The following MLH3 variants were observed in gnomAD, a reference collection of about 807,000 sequenced individuals.
MLH3 encodes the protein DNA mismatch repair protein Mlh3.
MLH3 carries 82 observed loss-of-function variants against 122.2 expected under a neutral mutation model. The observed-to-expected ratio is 0.67, with a 90% confidence interval of 0.56 to 0.81. MLH3 has a LOEUF of 0.81. Ranked by LOEUF, MLH3 falls within the 30% of genes least tolerant of loss-of-function variation. MLH3 has a pLI of 0.00. For synonymous variants in MLH3, 524 were observed against 599.5 expected (o/e 0.87, Z 1.84); for missense variants, 1,539 against 1,714.5 (o/e 0.90, Z 1.81).
rs145063005 is a variant in MLH3, at chr14:75,039,846, C to CATATATATATATATAT, written c.3570+49_3570+64dup. 677 of 321,690 alleles carry CATATATATATATATAT rather than the reference C, an allele frequency of 2.1e-3. 21 individuals carry two copies. The highest frequency in any genetic ancestry group is 3.6e-3 in the Admixed American group (49 of 13,594). The allele number at this position is 321,690 out of a possible 1,614,324, so 19.9% of individuals were successfully genotyped here. ...AAATCAAATTTTAGAAGAGTTAGGC[C>CATATATATATATATAT]ATATATATATATATATATATATATA... On this transcript the variant is annotated intron_variant, in intron 5 of 12. Transcript: ENST00000355774.
chr14:75,032,738 T>C (rs1477114201), intron 7 of MLH3, among the ~76,000 whole-genome samples: 1 of 151,302 alleles, frequency 6.6e-6, no homozygotes, highest in African/African-American at 2.4e-5. Context: ...CTTGCCTAAC[T>C]CTTTGACATT....
At chr14:75,043,105 T>A (rs1466601067) in intron 2 of MLH3, among the ~76,000 whole-genome samples, 1 of 152,092 alleles carries the variant, frequency 6.6e-6, no homozygotes. Context: ...ACAACTTGAG[T>A]AAAGGGTTCT....
At position 75,016,779 on chromosome 14, in the gene MLH3, C is replaced by A; in HGVS notation, c.*303G>T. 1.3e-5 allele frequency: 4 copies of A among 298,128 alleles called. No individual in the cohort carries two copies. Among genetic ancestry groups the A allele is most frequent in the African/African-American group, 2.2e-5 (1 of 45,984 alleles). The allele number at this position is 298,128 out of a possible 1,614,324, so 18.5% of individuals were successfully genotyped here. On this transcript the variant is annotated 3_prime_UTR_variant, in exon 13 of 13. Coordinates refer to ENST00000355774, the MANE Select transcript of MLH3 (RefSeq NM_001040108.2). The stretch of plus-strand genomic sequence containing the variant: ...ACCCTTCAAATAACAAACCAAGCAA[C>A]CAATCAAACTGTCATTAAATTTTAT...
chr14:75,050,433 T>G (rs2139621242), intron 1 of MLH3, among the ~76,000 whole-genome samples: 1 of 152,310 alleles, frequency 6.6e-6, no homozygotes, highest in South Asian at 2.1e-4. Context: ...ACAGTCTCAC[T>G]CTGTCACCCA....
rs1022178285 is a variant in MLH3 at position 75,014,231 on chromosome 14, G to A, written c.*2851C>T. 4 of 170,902 alleles carry A rather than the reference G, an allele frequency of 2.3e-5. No homozygotes were observed. The highest frequency in any genetic ancestry group is 9.5e-5 in the African/African-American group (4 of 41,956). The allele number at this position is 170,902 out of a possible 1,614,324, so 10.6% of individuals were successfully genotyped here. On this transcript the variant is annotated 3_prime_UTR_variant, in exon 13 of 13. Coordinates refer to ENST00000355774, the MANE Select transcript of MLH3 (RefSeq NM_001040108.2). The stretch of plus-strand genomic sequence containing the variant: ...CTGCTCTGACCATTTTGCTTGCCTG[G>A]GTTTTTTCACTGTCTGCCATGCGCA...
At chr14:75,041,796 A>T in intron 3 of MLH3, 96 bp from the exon 4 acceptor site, 1 of 815,020 alleles carries the variant, frequency 1.2e-6, no homozygotes, top group Non-Finnish European at 2.2e-6. Flanking sequence ...CTCAAGACCA[A>T]AGGTCACGTA....
chr14:75,046,448 G>C lies in MLH3; in HGVS notation c.3208C>G (p.Pro1070Ala). Residue 1070 changes from proline (P) to alanine (A), a missense_variant, in exon 2 of 13, where the codon CCA becomes GCA. By Grantham distance (27) the Pro-to-Ala change is conservative. Transcript: ENST00000355774. ...CAAGCAGCCTGAATGTCCTCAGTTGGGGCAATGAATGTGCTGAGTCCAGTC... is the reference window on the plus strand; with the variant it reads ...CAAGCAGCCTGAATGTCCTCAGTTGCGGCAATGAATGTGCTGAGTCCAGTC... Reference protein sequence around the residue: ...KMTGLSTFIAPTEDIQAACTK... With the variant: ...KMTGLSTFIAATEDIQAACTK... 1 of 1,614,106 alleles carries C rather than the reference G, an allele frequency of 6.2e-7. No homozygotes were observed. Among genetic ancestry groups the C allele is most frequent in the Non-Finnish European group, 8.5e-7 (1 of 1,180,004 alleles).
intron 8 of MLH3, among the ~76,000 whole-genome samples, chr14:75,031,185 C>T (rs1199619509): frequency 6.6e-6 from 1 of 152,136 alleles, no homozygotes; most frequent in Non-Finnish European, 1.5e-5. Context: ...TATTCCCAAA[C>T]CTGAAACATA....
Position 75,047,675 on chromosome 14 carries a change from T to G in MLH3, c.1981A>C (p.Thr661Pro). 1 of 1,614,070 alleles carries G rather than the reference T, an allele frequency of 6.2e-7. No individual in the cohort carries two copies. Among genetic ancestry groups the G allele is most frequent in the Non-Finnish European group, 8.5e-7 (1 of 1,179,970 alleles). ...ETPDIKDLAS[T>P]LSKESGQLPN... Reference sequence around the variant, plus strand: ...AATTGACCAGATTCTTTACTTAAAGTGCTGGCTAAATCTTTGATGTCTGGA... The same window carrying G: ...AATTGACCAGATTCTTTACTTAAAGGGCTGGCTAAATCTTTGATGTCTGGA... The change falls in exon 2 of 13, where the codon ACT becomes CCT. Residue 661 changes from threonine (T) to proline (P), a missense_variant. Coordinates refer to ENST00000355774, the MANE Select transcript of MLH3 (RefSeq NM_001040108.2).
chr14:75,030,415 C>T, intron 9 of MLH3, 128 bp downstream of exon 9: 1 of 950,486 alleles, frequency 1.1e-6, no homozygotes, highest in South Asian at 1.3e-5. Flanking sequence ...GAATTTCTAG[C>T]TCCTGGCACA....
At chr14:75,022,767 G>T in intron 11 of MLH3, 47 bp downstream of exon 11, 1 of 1,533,172 alleles carries the variant, frequency 6.5e-7, no homozygotes, top group Non-Finnish European at 9.0e-7. Flanking sequence ...CCCTGCCAGG[G>T]CTCTGCATGC....
chr14:75,031,790 G>C (rs545259844), intron 8 of MLH3, among the ~76,000 whole-genome samples: 5 of 152,296 alleles, frequency 3.3e-5, no homozygotes, highest in African/African-American at 1.2e-4. Context: ...CTCCAGCCTG[G>C]ACAACAGAGT....
At position 75,046,648 on chromosome 14, in the gene MLH3, C is replaced by T. The variant is rs1448250389; in HGVS notation, c.3008G>A (p.Gly1003Glu). 3.7e-6 allele frequency: 6 copies of T among 1,614,198 alleles called. No individual in the cohort carries two copies. The highest frequency in any genetic ancestry group is 5.1e-6 in the Non-Finnish European group (6 of 1,180,028). The part of the protein sequence containing the change: ...QQIGSLDSPS[G>E]MLMNPVEDAT... ...ATCTTCTACCGGATTCATTAACATT[C>T]CACTGGGAGAGTCAAGACTTCCTAT... Residue 1003 changes from glycine (G) to glutamate (E), a missense_variant, in exon 2 of 13, where the codon GGA becomes GAA. By Grantham distance (98) the Gly-to-Glu change is moderately conservative. Coordinates refer to ENST00000355774, the MANE Select transcript of MLH3 (RefSeq NM_001040108.2).
Position 75,014,377 on chromosome 14 carries a change from C to T in MLH3, c.*2705G>A, listed in dbSNP as rs985005668. On this transcript the variant is annotated 3_prime_UTR_variant, in exon 13 of 13. Transcript: ENST00000355774. ...GTTACCCAAGCCCCCTCCCCATTCT[C>T]CAGCTTCATTCTAGCCTACACTTTA... 3.9e-5 allele frequency: 7 copies of T among 177,432 alleles called. No individual in the cohort carries two copies. Among genetic ancestry groups the T allele is most frequent in the Non-Finnish European group, 8.5e-5 (7 of 82,610 alleles). 11.0% of individuals were successfully genotyped at this position (177,432 alleles called of 1,614,324 possible). A position where few individuals can be genotyped will look rare whatever the true frequency, so the allele number is the denominator to read the frequency against.
chr14:75,031,066 A>G (rs889132014), intron 8 of MLH3, among the ~76,000 whole-genome samples: 2 of 152,234 alleles, frequency 1.3e-5, no homozygotes, highest in African/African-American at 4.8e-5. Context: ...CAGGGAGGTA[A>G]TTAACAGCCC....
chr14:75,045,875 C>CA (rs1466107917), intron 2 of MLH3, among the ~76,000 whole-genome samples: 1 of 152,120 alleles, frequency 6.6e-6, no homozygotes, highest in East Asian at 1.9e-4. Context: ...TGTACTTCTC[C>CA]ATTTAAATAG....
rs1892496695 is a variant in MLH3, at chr14:75,049,250, C to T, written c.406G>A (p.Asp136Asn). 1 of 1,614,238 alleles carries T rather than the reference C, an allele frequency of 6.2e-7. No homozygotes were observed. The highest frequency in any genetic ancestry group is 1.3e-5 in the African/African-American group (1 of 75,052). ...SGKALKACEA[D>N]VTRASAGTTV... is the part of the protein sequence containing the mutation. ...GTCCCAGCGCTTGCTCTAGTCACATCAGCTTCACAAGCTTTCAGGGCTTTT... is the reference window on the plus strand; with the variant it reads ...GTCCCAGCGCTTGCTCTAGTCACATTAGCTTCACAAGCTTTCAGGGCTTTT... The change falls in exon 2 of 13, where the codon GAT becomes AAT. Residue 136 changes from aspartate to asparagine, a missense_variant. Coordinates refer to ENST00000355774, the MANE Select transcript of MLH3 (RefSeq NM_001040108.2).
intron 11 of MLH3, among the ~76,000 whole-genome samples, chr14:75,022,014 A>T (rs1244745940): frequency 6.6e-6 from 1 of 152,102 alleles, no homozygotes; most frequent in African/African-American, 2.4e-5. Context: ...AAAGAACGAG[A>T]TCACATCCTT....
chr14:75,035,918 G>A (rs1891371603), intron 6 of MLH3, among the ~76,000 whole-genome samples: 1 of 151,914 alleles, frequency 6.6e-6, no homozygotes, highest in African/African-American at 2.4e-5. Flanking sequence ...ACATTTCTGA[G>A]TATCTCCTTG....
Sources: gnomAD v4.1 joint callset for allele counts (sites outside exome capture counted in the v4.1 genomes callset) on GRCh38, gnomAD v4.1.1 for gene constraint, MANE v1.5 for transcripts, NCBI Gene and HGNC (gene_info 2026-07-23, HGNC 2026-07-21) for gene names.